The following OPHN1 variants were observed in gnomAD, a reference collection of about 807,000 sequenced individuals.
OPHN1 encodes the protein oligophrenin 1, also known as oligophrenin-1.
Under a neutral mutation model 60.7 loss-of-function variants are expected in OPHN1, and 11 were observed. The ratio of observed to expected loss-of-function variants is 0.18; its 90% CI spans 0.11 to 0.30. The LOEUF (loss-of-function observed/expected upper bound fraction) is 0.30. OPHN1 is among the 10% of genes least tolerant of loss of function. The pLI, the probability that OPHN1 is intolerant of heterozygous loss-of-function variation, is 1.00. For synonymous variants in OPHN1, 226 were observed against 222.6 expected (o/e 1.02, Z -0.14); for missense variants, 449 against 611.0 (o/e 0.73, Z 2.80).
At chrX:68,259,404 T>C (rs1240347359) in intron 5 of OPHN1, among the ~76,000 whole-genome samples, 1 of 111,123 alleles carries the variant, frequency 9.0e-6, no homozygotes, top group African/African-American at 3.3e-5. Flanking sequence ...TGAGCTGTGA[T>C]TGTGCCACTG....
chrX:68,142,663 T>C (rs1190179184), intron 15 of OPHN1, among the ~76,000 whole-genome samples: 1 of 112,288 alleles, frequency 8.9e-6, no homozygotes, highest in Non-Finnish European at 1.9e-5. Flanking sequence ...TCTGGGATGT[T>C]GACACAGGTG....
chrX:68,246,200 T>C (rs1220394939), intron 5 of OPHN1, among the ~76,000 whole-genome samples: 1 of 111,944 alleles, frequency 8.9e-6, no homozygotes, highest in Non-Finnish European at 1.9e-5. Flanking sequence ...TGAGGTACCA[T>C]ACCTCCGTTT....
chrX:68,268,956 G>C (rs768382759), intron 5 of OPHN1, among the ~76,000 whole-genome samples: 122 of 110,914 alleles, frequency 1.1e-3, no homozygotes, highest in African/African-American at 3.6e-3. Flanking sequence ...AACAGACAGA[G>C]AGCCAAATCA....
intron 5 of OPHN1, among the ~76,000 whole-genome samples, chrX:68,241,676 T>A (rs5964655): frequency 0.6 from 66,893 of 110,769 alleles, 17,290 homozygotes; most frequent in East Asian, 0.87. Context: ...TCCCAGGACT[T>A]TGGGAGGCTG....
intron 19 of OPHN1, among the ~76,000 whole-genome samples, chrX:68,083,227 T>C (rs964154450): frequency 7.2e-4 from 74 of 103,346 alleles, no homozygotes; most frequent in African/African-American, 2.3e-3. Context: ...CGCCCGCCAC[T>C]GCGCCCGGCT....
At chrX:68,317,607 A>T (rs1406495701) in intron 2 of OPHN1, among the ~76,000 whole-genome samples, 2 of 97,242 alleles carry the variant, frequency 2.1e-5, no homozygotes, top group Admixed American at 2.2e-4. Context: ...AAGAAAAAAG[A>T]AAGGAGGGAG....
At chrX:68,397,217 TG>T (rs1486603700) in intron 2 of OPHN1, among the ~76,000 whole-genome samples, 1 of 112,121 alleles carries the variant, frequency 8.9e-6, no homozygotes, top group Non-Finnish European at 1.9e-5. Context: ...TTCCTTTGGT[TG>T]TTTTTTCCAT....
chrX:68,427,082 T>C (rs1220653207), intron 2 of OPHN1, among the ~76,000 whole-genome samples: 2 of 52,907 alleles, frequency 3.8e-5, no homozygotes, highest in Middle Eastern at 0.012. Context: ...TGAAACCCCA[T>C]CTCTACTAAA....
intron 15 of OPHN1, chrX:68,133,038 A>G: frequency 2.0e-6 from 1 of 490,334 alleles, no homozygotes. Flanking sequence ...CCAACTCTGC[A>G]GCAGTCCGCC....
intron 6 of OPHN1, among the ~76,000 whole-genome samples, chrX:68,231,579 G>A (rs1212701183): frequency 1.8e-5 from 2 of 111,788 alleles, no homozygotes; most frequent in Non-Finnish European, 1.9e-5. Flanking sequence ...TAAACCAACC[G>A]TGGTACAACC....
chrX:68,391,836 C>T (rs1339573819), intron 2 of OPHN1, among the ~76,000 whole-genome samples: 2 of 111,208 alleles, frequency 1.8e-5, no homozygotes, highest in Non-Finnish European at 3.8e-5. Flanking sequence ...AGCCAAGGAT[C>T]GCAGACAGCC....
chrX:68,404,082 A>G (rs765340502), intron 2 of OPHN1, among the ~76,000 whole-genome samples: 2 of 110,628 alleles, frequency 1.8e-5, no homozygotes, highest in African/African-American at 6.6e-5. Flanking sequence ...TAATGATAAC[A>G]ACTCTACCTA....
At chrX:68,220,292 G>C (rs1333353287) in intron 6 of OPHN1, among the ~76,000 whole-genome samples, 1 of 108,148 alleles carries the variant, frequency 9.2e-6, no homozygotes, top group East Asian at 2.9e-4. Flanking sequence ...ATAATCAATA[G>C]CTTAGCAACC....
At chrX:68,256,215 T>C (rs191946508) in intron 5 of OPHN1, among the ~76,000 whole-genome samples, 244 of 111,235 alleles carry the variant, frequency 2.2e-3, no homozygotes, top group African/African-American at 7.7e-3. Flanking sequence ...AAATGAATTC[T>C]CCTTGGCGGG....
chrX:68,284,478 A>G (rs1246076364), intron 3 of OPHN1, among the ~76,000 whole-genome samples: 1 of 110,795 alleles, frequency 9.0e-6, no homozygotes, highest in East Asian at 2.8e-4. Context: ...AGCCTGCAGA[A>G]CCATGAGCCA....
chrX:68,417,075 ATATTTATTTATT>A (rs200001381), intron 2 of OPHN1, among the ~76,000 whole-genome samples: 29 of 101,337 alleles, frequency 2.9e-4, no homozygotes, highest in African/African-American at 4.6e-4. Flanking sequence ...ATTCCTTTTT[ATATTTATTTATT>A]TATTTATTTA....
At chrX:68,184,667 G>A (rs2077454414) in intron 15 of OPHN1, among the ~76,000 whole-genome samples, 2 of 110,588 alleles carry the variant, frequency 1.8e-5, no homozygotes, top group South Asian at 7.9e-4. Context: ...CATGATCTTG[G>A]CTCACTGCAA....
chrX:68,221,425 CTACTT>C (rs1267231822), intron 6 of OPHN1, among the ~76,000 whole-genome samples: 1 of 36,907 alleles, frequency 2.7e-5, no homozygotes, highest in Non-Finnish European at 5.2e-5. Context: ...TTGGAAAAAA[CTACTT>C]TAAAGTTCAT....
At chrX:68,171,246 T>A (rs1419754915) in intron 15 of OPHN1, among the ~76,000 whole-genome samples, 1 of 110,451 alleles carries the variant, frequency 9.1e-6, no homozygotes, top group African/African-American at 3.3e-5. Flanking sequence ...TAAATATATA[T>A]ACCTACTATG....
Sources: allele counts gnomAD v4.1 joint callset (sites outside exome capture counted in the v4.1 genomes callset), GRCh38; gene constraint gnomAD v4.1.1; transcripts MANE v1.5; gene names NCBI Gene and HGNC (gene_info 2026-07-23, HGNC 2026-07-21).